Variants in DMRT1 observed in about 807,000 individuals in gnomAD.
DMRT1 encodes the protein doublesex- and mab-3-related transcription factor 1.
A neutral mutation model predicts 32.3 loss-of-function variants in DMRT1; 7 were observed. That is an observed-to-expected ratio of 0.22 (90% CI 0.12 to 0.41). The LOEUF is 0.41. DMRT1 is among the 10% of genes least tolerant of loss of function. The pLI is 1.00. For synonymous variants in DMRT1, 278 were observed against 206.1 expected, an observed-to-expected ratio of 1.35 and a Z score of -2.99; for missense variants, 625 against 500.5, an observed-to-expected ratio of 1.25 and a Z score of -2.37.
rs868049321 is a variant in DMRT1 at position 862,103 on chromosome 9, G to A, written c.538+14960G>A. Among the ~76,000 whole-genome samples the A allele has an allele frequency of 6.6e-4, 77 of 115,958 alleles. 1 individual carries two copies. In the South Asian group the frequency reaches 9.9e-3, roughly 15 times the overall value. The allele number at this position is 115,958 out of a possible 152,430, so 76.1% of individuals were successfully genotyped here. A position where few individuals can be genotyped will look rare whatever the true frequency, so the allele number is the denominator to read the frequency against. On this transcript the variant is annotated intron_variant, in intron 2 of 4. Coordinates refer to ENST00000382276, the MANE Select transcript of DMRT1 (RefSeq NM_021951.3). ...CTCCTCACTTCCTAGACGGGGTGGC[G>A]GCTGGGCAGAGGCTGCAATCTCAGC...
chr9:949,672 C>A (rs1819366932), intron 4 of DMRT1, among the ~76,000 whole-genome samples: 1 of 152,166 alleles, frequency 6.6e-6, no homozygotes, highest in Non-Finnish European at 1.5e-5. Context: ...ATTTCTAGGA[C>A]TTATCTTGTG....
chr9:901,493 A>T (rs1161818135), intron 3 of DMRT1, among the ~76,000 whole-genome samples: 1 of 151,060 alleles, frequency 6.6e-6, no homozygotes, highest in Non-Finnish European at 1.5e-5. Context: ...TGCCTGGCTA[A>T]TTTTTGTATT....
chr9:942,845 T>C (rs915710171), intron 4 of DMRT1, among the ~76,000 whole-genome samples: 4 of 151,232 alleles, frequency 2.6e-5, no homozygotes, highest in Non-Finnish European at 5.9e-5. Flanking sequence ...TTTATTTCTA[T>C]TTTTTTTTCA....
chr9:936,952 T>C (rs1178942626), intron 4 of DMRT1, among the ~76,000 whole-genome samples: 1 of 152,194 alleles, frequency 6.6e-6, no homozygotes, highest in Non-Finnish European at 1.5e-5. Flanking sequence ...AGAATGTTTT[T>C]TTATCATTCC....
At chr9:864,073 C>T (rs574853817) in intron 2 of DMRT1, among the ~76,000 whole-genome samples, 5 of 152,216 alleles carry the variant, frequency 3.3e-5, no homozygotes, top group South Asian at 2.1e-4. Context: ...CTTTGGAGGA[C>T]AAGCAGAGGA....
chr9:937,709 C>A (rs185954175), intron 4 of DMRT1, among the ~76,000 whole-genome samples: 3 of 151,926 alleles, frequency 2.0e-5, no homozygotes, highest in Non-Finnish European at 4.4e-5. Flanking sequence ...GGTTTTTTGT[C>A]GTTGTTGTAG....
At chr9:877,424 A>G (rs1036134018) in intron 2 of DMRT1, among the ~76,000 whole-genome samples, 4 of 152,218 alleles carry the variant, frequency 2.6e-5, no homozygotes, top group African/African-American at 9.6e-5. Context: ...TGGTGGGCAC[A>G]TGTATGGCCA....
At chr9:921,578 C>T (rs1198823671) in intron 4 of DMRT1, among the ~76,000 whole-genome samples, 3 of 152,128 alleles carry the variant, frequency 2.0e-5, no homozygotes, top group African/African-American at 7.2e-5. Flanking sequence ...CTGTTTTTCA[C>T]AGCAGCTGCA....
At chr9:873,046 G>A (rs1037955742) in intron 2 of DMRT1, among the ~76,000 whole-genome samples, 12 of 152,320 alleles carry the variant, frequency 7.9e-5, no homozygotes, top group Admixed American at 6.5e-4. Flanking sequence ...TAATCCTTGA[G>A]CAGTTTGCTA....
chr9:884,397 T>C (rs908368466), intron 2 of DMRT1, among the ~76,000 whole-genome samples: 27 of 149,134 alleles, frequency 1.8e-4, no homozygotes, highest in African/African-American at 6.4e-4. Flanking sequence ...GCAGAGGGAT[T>C]GTGAAGCCCT....
chr9:845,825 C>T lies in DMRT1; in HGVS notation c.355-1135C>T, dbSNP rs549374296. 1.3e-4 allele frequency among the ~76,000 whole-genome samples: 20 copies of T among 152,252 alleles called. No homozygotes were observed. The South Asian group carries it at 3.7e-3, about 28-fold the overall frequency. ...CCATATTATTCCGATATGTACTGCC[C>T]CTTCATCCTTGCCTGTCCAAGTCCT... On this transcript the variant is annotated intron_variant, in intron 1 of 4. Transcript: ENST00000382276.
At chr9:876,365 C>A (rs1310391458) in intron 2 of DMRT1, among the ~76,000 whole-genome samples, 2 of 152,154 alleles carry the variant, frequency 1.3e-5, no homozygotes, top group Non-Finnish European at 2.9e-5. Flanking sequence ...CCTTACCTGA[C>A]ATTCCCTGCT....
At chr9:900,186 G>T (rs13298202) in intron 3 of DMRT1, among the ~76,000 whole-genome samples, 1 of 152,072 alleles carries the variant, frequency 6.6e-6, no homozygotes, top group African/African-American at 2.4e-5. Context: ...AGGAAACCGC[G>T]TTCTGGCATC....
chr9:957,509 A>G (rs1261449471), intron 4 of DMRT1, among the ~76,000 whole-genome samples: 1 of 152,214 alleles, frequency 6.6e-6, no homozygotes, highest in African/African-American at 2.4e-5. Flanking sequence ...ATTCCTAAAC[A>G]GTGTGCACTT....
chr9:862,953 A>C (rs532221962), intron 2 of DMRT1, among the ~76,000 whole-genome samples: 1 of 151,896 alleles, frequency 6.6e-6, no homozygotes, highest in African/African-American at 2.4e-5. Flanking sequence ...TTGAGTCAAG[A>C]GTCTTGAGAT....
chr9:908,804 GTCCTCCTCTCCACTCC>G (rs975076426), intron 3 of DMRT1, among the ~76,000 whole-genome samples: 10 of 152,088 alleles, frequency 6.6e-5, no homozygotes, highest in Non-Finnish European at 1.2e-4. Flanking sequence ...TTGTGTGAGC[GTCCTCCTCTCCACTCC>G]TCCCCCGTTT....
chr9:902,737 C>G (rs1042958793), intron 3 of DMRT1, among the ~76,000 whole-genome samples: 2 of 152,066 alleles, frequency 1.3e-5, no homozygotes, highest in East Asian at 3.9e-4. Context: ...GATCCGCCCA[C>G]CTCAGCTTCC....
intron 2 of DMRT1, among the ~76,000 whole-genome samples, chr9:869,949 C>G (rs915946171): frequency 6.6e-6 from 1 of 152,042 alleles, no homozygotes. Context: ...AAGACCCCTG[C>G]GCGTGTATAT....
intron 4 of DMRT1, among the ~76,000 whole-genome samples, chr9:940,427 G>A (rs1819025383): frequency 6.6e-6 from 1 of 152,012 alleles, no homozygotes; most frequent in South Asian, 2.1e-4. Flanking sequence ...AATGATTTTT[G>A]ACCAGAGTGC....
Sources: allele counts gnomAD v4.1 joint callset (sites outside exome capture counted in the v4.1 genomes callset), GRCh38; gene constraint gnomAD v4.1.1; transcripts MANE v1.5; gene names NCBI Gene and HGNC (gene_info 2026-07-23, HGNC 2026-07-21).